The following PLCL1 variants were observed in gnomAD, a reference collection of about 807,000 sequenced individuals.
PLCL1 encodes the protein inactive phospholipase C-like protein 1.
In PLCL1, 41 loss-of-function variants were observed where a neutral mutation model predicts 84.4. The observed-to-expected ratio is 0.49, with a 90% CI of 0.38 to 0.63. PLCL1 has a LOEUF of 0.63. Among genes scored for constraint, PLCL1 ranks in the 30% least tolerant of loss-of-function variants. PLCL1 has a pLI of 0.00. For synonymous variants in PLCL1, 490 were observed against 488.3 expected (o/e 1.00, Z -0.05); for missense variants, 1,206 against 1,367.8 (o/e 0.88, Z 1.87).
At chr2:197,948,158 G>A (rs897738430) in intron 1 of PLCL1, among the ~76,000 whole-genome samples, 2 of 152,148 alleles carry the variant, frequency 1.3e-5, no homozygotes, top group Admixed American at 1.3e-4. Flanking sequence ...GAACAGAAAG[G>A]ATTTGCTGAT....
intron 5 of PLCL1, among the ~76,000 whole-genome samples, chr2:198,143,367 C>T (rs922479079): frequency 2.0e-4 from 30 of 152,300 alleles, no homozygotes; most frequent in African/African-American, 6.3e-4. Context: ...CCACTGCTCA[C>T]GTCCTGCTGT....
chr2:198,001,724 A>G (rs552041931), intron 1 of PLCL1, among the ~76,000 whole-genome samples: 3 of 152,084 alleles, frequency 2.0e-5, no homozygotes, highest in Non-Finnish European at 4.4e-5. Flanking sequence ...GCCCCACAGC[A>G]GGAGGTGAGT....
intron 1 of PLCL1, among the ~76,000 whole-genome samples, chr2:197,853,628 C>G (rs1334231653): frequency 6.6e-6 from 1 of 152,128 alleles, no homozygotes; most frequent in East Asian, 1.9e-4. Context: ...CTAAATCTTG[C>G]TATTTCTCAC....
chr2:198,032,404 A>G (rs543481449), intron 1 of PLCL1, among the ~76,000 whole-genome samples: 120 of 152,352 alleles, frequency 7.9e-4, no homozygotes, highest in Non-Finnish European at 1.4e-3. Flanking sequence ...CAGTGACAAG[A>G]GATTGCCTCA....
chr2:198,058,077 G>A (rs898639718), intron 1 of PLCL1, among the ~76,000 whole-genome samples: 1 of 152,038 alleles, frequency 6.6e-6, no homozygotes, highest in South Asian at 2.1e-4. Context: ...AGTGAAAACT[G>A]GTTTTCGAAC....
At chr2:198,125,280 T>C (rs898515768) in intron 5 of PLCL1, among the ~76,000 whole-genome samples, 1 of 152,100 alleles carries the variant, frequency 6.6e-6, no homozygotes, top group Non-Finnish European at 1.5e-5. Flanking sequence ...AGATTTCCTT[T>C]CCTCTTAGTC....
intron 1 of PLCL1, among the ~76,000 whole-genome samples, chr2:198,009,587 C>A (rs761671268): frequency 2.6e-5 from 4 of 151,964 alleles, no homozygotes; most frequent in Non-Finnish European, 5.9e-5. Flanking sequence ...ATTACTGTTT[C>A]TTTGCAGTAG....
intron 3 of PLCL1, among the ~76,000 whole-genome samples, 174 bp downstream of exon 3, chr2:198,089,235 A>T (rs1287579392): frequency 6.6e-6 from 1 of 151,996 alleles, no homozygotes; most frequent in Non-Finnish European, 1.5e-5. Flanking sequence ...TCAGTGGAAA[A>T]CTCTGAGAAA....
chr2:197,923,599 T>C (rs1434423132), intron 1 of PLCL1, among the ~76,000 whole-genome samples: 5 of 141,666 alleles, frequency 3.5e-5, no homozygotes, highest in African/African-American at 1.3e-4. Context: ...CTAGATGTGA[T>C]GGCGGCTGGG....
chr2:197,883,086 C>T (rs114343265), intron 1 of PLCL1, among the ~76,000 whole-genome samples: 1 of 152,222 alleles, frequency 6.6e-6, no homozygotes, highest in African/African-American at 2.4e-5. Context: ...GGATTCTAGA[C>T]ATTGCAGATG....
At position 197,811,498 on chromosome 2, in the gene PLCL1, G is replaced by A. The variant is rs74563319; in HGVS notation, c.240+6159G>A. 5.6e-3 allele frequency among the ~76,000 whole-genome samples: 859 copies of A among 152,268 alleles called. 13 individuals are homozygous for A. The highest frequency in any genetic ancestry group is 0.019 in the African/African-American group (803 of 41,564). On this transcript the variant is annotated intron_variant, in intron 1 of 5. Transcript: ENST00000428675. Reference sequence around the variant, plus strand: ...TTTGAGAAAAGTAGGATTGTACATGGTGAGTAGAAAAGAAGCATTGTTTAC... The same window carrying A: ...TTTGAGAAAAGTAGGATTGTACATGATGAGTAGAAAAGAAGCATTGTTTAC...
intron 1 of PLCL1, among the ~76,000 whole-genome samples, chr2:197,916,097 T>G (rs1688593941): frequency 6.6e-6 from 1 of 152,236 alleles, no homozygotes; most frequent in Non-Finnish European, 1.5e-5. Flanking sequence ...ATTGCCTAAT[T>G]CTTCTCTGTG....
chr2:197,849,951 G>C (rs943574220), intron 1 of PLCL1, among the ~76,000 whole-genome samples: 2 of 151,810 alleles, frequency 1.3e-5, no homozygotes, highest in Non-Finnish European at 2.9e-5. Context: ...GCATGTATCT[G>C]AAATTTCCTT....
intron 1 of PLCL1, among the ~76,000 whole-genome samples, chr2:198,064,228 G>A (rs1393554146): frequency 6.6e-6 from 1 of 152,026 alleles, no homozygotes; most frequent in African/African-American, 2.4e-5. Flanking sequence ...TAAGTCCCTA[G>A]TCCTCCAAGT....
rs1237174816 is a variant in PLCL1 at position 197,925,140 on chromosome 2, T to C, written c.240+119801T>C. On this transcript the variant is annotated intron_variant, in intron 1 of 5. Transcript: ENST00000428675. ...TTTATGAATGTGCCGGCTAGGAAAT[T>C]ATCAACACCACATGCTGTTTCCCAC... 2.0e-5 allele frequency among the ~76,000 whole-genome samples: 3 copies of C among 152,306 alleles called. No homozygotes were observed. In the East Asian group the frequency reaches 5.8e-4, roughly 29 times the overall value.
chr2:198,059,434 T>C (rs1271650974), intron 1 of PLCL1, among the ~76,000 whole-genome samples: 2 of 152,210 alleles, frequency 1.3e-5, no homozygotes, highest in Non-Finnish European at 1.5e-5. Context: ...ATATTGTATG[T>C]TTTACATACT....
At chr2:198,126,199 A>C (rs1693979648) in intron 5 of PLCL1, among the ~76,000 whole-genome samples, 1 of 151,972 alleles carries the variant, frequency 6.6e-6, no homozygotes, top group Non-Finnish European at 1.5e-5. Context: ...AGTTCTCCAA[A>C]TATCCCATGT....
intron 1 of PLCL1, among the ~76,000 whole-genome samples, chr2:198,048,263 A>G (rs1691852022): frequency 6.6e-6 from 1 of 152,194 alleles, no homozygotes; most frequent in Non-Finnish European, 1.5e-5. Flanking sequence ...AGATGATGGG[A>G]AGTTCAAGAT....
At chr2:197,972,766 C>T (rs1689897224) in intron 1 of PLCL1, among the ~76,000 whole-genome samples, 1 of 152,152 alleles carries the variant, frequency 6.6e-6, no homozygotes, top group Admixed American at 6.5e-5. Flanking sequence ...TTCACATACT[C>T]TTTGATATAT....
Sources: allele counts gnomAD v4.1 joint callset (sites outside exome capture counted in the v4.1 genomes callset), GRCh38; gene constraint gnomAD v4.1.1; transcripts MANE v1.5; gene names NCBI Gene and HGNC (gene_info 2026-07-23, HGNC 2026-07-21).